Variants in VEPH1 observed in about 807,000 individuals in gnomAD.
The protein encoded by VEPH1 is ventricular zone expressed PH domain containing 1.
In VEPH1, 80 loss-of-function variants were observed where a neutral mutation model predicts 85.2. That is an observed-to-expected ratio of 0.94 (90% CI 0.78 to 1.13). The LOEUF is 1.13. Ranked by LOEUF, VEPH1 falls within the 50% of genes most tolerant of loss-of-function variation. The pLI is 0.00. For synonymous variants in VEPH1, 297 were observed against 348.0 expected, an observed-to-expected ratio of 0.85 and a Z score of 1.63; for missense variants, 955 against 980.5, an observed-to-expected ratio of 0.97 and a Z score of 0.35.
chr3:157,427,703 C>T (rs1363078805), intron 5 of VEPH1, among the ~76,000 whole-genome samples: 1 of 152,194 alleles, frequency 6.6e-6, no homozygotes, highest in African/African-American at 2.4e-5. Flanking sequence ...GATTCACCCA[C>T]CTCAGCCTCC....
intron 9 of VEPH1, among the ~76,000 whole-genome samples, chr3:157,349,250 T>C (rs1724578173): frequency 6.6e-6 from 1 of 152,222 alleles, no homozygotes; most frequent in Non-Finnish European, 1.5e-5. Flanking sequence ...ATAAATGTCA[T>C]AAATTATATC....
chr3:157,459,805 C>A lies in VEPH1; in HGVS notation c.529+376G>T, dbSNP rs1164808819. The A allele has an allele frequency of 3.4e-6, 5 of 1,485,656 alleles. No homozygotes were observed. In the African/African-American group the frequency reaches 5.6e-5, roughly 17 times the overall value. The allele number at this position is 1,485,656 out of a possible 1,614,324, so 92.0% of individuals were successfully genotyped here. Reference sequence around the variant, plus strand: ...AAAAGACATTTCTTGCTTTTGGAAGCAAATGAAGACAGGTTTTTCATACCC... The same window carrying A: ...AAAAGACATTTCTTGCTTTTGGAAGAAAATGAAGACAGGTTTTTCATACCC... On this transcript the variant is annotated intron_variant, in intron 4 of 13. Transcript: ENST00000362010.
Position 157,260,586 on chromosome 3 carries a change from C to T in VEPH1, c.*548G>A, listed in dbSNP as rs1264041113. On this transcript the variant is annotated 3_prime_UTR_variant, in exon 14 of 14. Transcript: ENST00000362010. ...CTGGCTTGATTTGGGAACCATTTTA[C>T]CATGTGTTAGCCTCAGTTGTAGTAA... is the stretch of plus-strand genomic sequence containing the variant. 3.9e-5 allele frequency: 6 copies of T among 152,068 alleles called. No individual in the cohort carries two copies. Among genetic ancestry groups the T allele is most frequent in the Admixed American group, 3.3e-4 (5 of 15,264 alleles). The allele number at this position is 152,068 out of a possible 1,614,324, so 9.4% of individuals were successfully genotyped here. A position where few individuals can be genotyped will look rare whatever the true frequency, so the allele number is the denominator to read the frequency against.
At chr3:157,274,487 G>C (rs1500926) in intron 12 of VEPH1, among the ~76,000 whole-genome samples, 35,351 of 151,910 alleles carry the variant, frequency 0.23, 4,232 homozygotes, top group Non-Finnish European at 0.27. Flanking sequence ...TGAACTCTCT[G>C]TCTCTCTGTC....
chr3:157,352,069 G>C (rs759059117), intron 9 of VEPH1, among the ~76,000 whole-genome samples: 4 of 152,220 alleles, frequency 2.6e-5, no homozygotes, highest in African/African-American at 7.2e-5. Context: ...GCTTTAGTGA[G>C]AACAGCATTC....
rs1577251208 is a variant in VEPH1, at chr3:157,290,046, ACACACAC to A, written c.2011-3379_2011-3373del. On this transcript the variant is annotated intron_variant, in intron 11 of 13. Transcript: ENST00000362010. Reference sequence around the variant, plus strand: ...TGTTATTATACACAAACACACACACACACACACACACACACACACACACACACACACA... The same window carrying A: ...TGTTATTATACACAAACACACACACAACACACACACACACACACACACACA... 7.6e-4 allele frequency among the ~76,000 whole-genome samples: 35 copies of A among 46,356 alleles called. No homozygotes were observed. The East Asian group carries it at 0.018, about 24-fold the overall frequency. 30.4% of individuals were successfully genotyped at this position (46,356 alleles called of 152,430 possible).
intron 8 of VEPH1, 34 bp downstream of exon 8, chr3:157,364,269 G>T: frequency 1.3e-6 from 2 of 1,482,370 alleles, no homozygotes; most frequent in Non-Finnish European, 1.8e-6. Context: ...AACATGAAGT[G>T]TATGATTTAA....
intron 4 of VEPH1, among the ~76,000 whole-genome samples, chr3:157,430,709 C>T (rs1373590009): frequency 6.6e-6 from 1 of 152,006 alleles, no homozygotes; most frequent in Non-Finnish European, 1.5e-5. Flanking sequence ...GTCCATTGAC[C>T]AAATAGTTAG....
chr3:157,339,433 C>T (rs188935858), intron 9 of VEPH1, among the ~76,000 whole-genome samples: 9 of 152,334 alleles, frequency 5.9e-5, no homozygotes, highest in African/African-American at 2.2e-4. Context: ...CCTGGTCAGC[C>T]ATCCACCAAA....
chr3:157,422,531 C>G (rs1408001335), intron 5 of VEPH1, among the ~76,000 whole-genome samples: 1 of 152,162 alleles, frequency 6.6e-6, no homozygotes, highest in East Asian at 1.9e-4. Context: ...CCTCTTGTAG[C>G]CTTCTCTACA....
intron 10 of VEPH1, among the ~76,000 whole-genome samples, chr3:157,314,225 C>G (rs535509848): frequency 1.4e-5 from 2 of 146,834 alleles, no homozygotes; most frequent in Admixed American, 1.4e-4. Context: ...CCCAGCTACT[C>G]GGGAGGCTGA....
intron 7 of VEPH1, among the ~76,000 whole-genome samples, chr3:157,377,193 A>G (rs191901586): frequency 2.6e-5 from 4 of 152,230 alleles, no homozygotes; most frequent in African/African-American, 7.2e-5. Flanking sequence ...AGTATTTTCA[A>G]TTGAGAGAGG....
intron 3 of VEPH1, among the ~76,000 whole-genome samples, chr3:157,466,071 C>T (rs1392184326): frequency 6.6e-6 from 1 of 152,192 alleles, no homozygotes; most frequent in Admixed American, 6.5e-5. Context: ...CATTCTAGAA[C>T]AGCAGCTATG....
intron 9 of VEPH1, among the ~76,000 whole-genome samples, chr3:157,362,112 C>A (rs1240682969): frequency 6.6e-6 from 1 of 151,992 alleles, no homozygotes; most frequent in Non-Finnish European, 1.5e-5. Context: ...CTCACTGCAA[C>A]CTCCACCTCT....
intron 12 of VEPH1, among the ~76,000 whole-genome samples, chr3:157,279,655 G>GT (rs1715829075): frequency 6.6e-6 from 1 of 152,046 alleles, no homozygotes; most frequent in Non-Finnish European, 1.5e-5. Flanking sequence ...TGAGAAGGTG[G>GT]GAAGGATGAA....
At chr3:157,285,631 G>A (rs1054104722) in intron 12 of VEPH1, among the ~76,000 whole-genome samples, 5 of 152,174 alleles carry the variant, frequency 3.3e-5, no homozygotes, top group Admixed American at 6.5e-5. Flanking sequence ...TTCCTGAGCC[G>A]AGTCAGCATT....
rs1733345150 is a variant in VEPH1, at chr3:157,433,757, C to CTGAGTGTT, written c.530-5270_530-5269insAACACTCA. 2.0e-5 allele frequency among the ~76,000 whole-genome samples: 3 copies of CTGAGTGTT among 152,158 alleles called. No individual in the cohort carries two copies. The South Asian group carries it at 6.2e-4, about 32-fold the overall frequency. On this transcript the variant is annotated intron_variant, in intron 4 of 13. Coordinates refer to ENST00000362010, the MANE Select transcript of VEPH1 (RefSeq NM_001167912.2). ...ACATGTAAAATGAATTTAGCACATT[C>CTGAGTGTT]CTGAACACTCTATTCTCAGAAGCAG...
chr3:157,301,959 A>G (rs1245987638), intron 11 of VEPH1, among the ~76,000 whole-genome samples: 2 of 152,178 alleles, frequency 1.3e-5, no homozygotes, highest in Admixed American at 1.3e-4. Context: ...CAGGTGTTTG[A>G]AACTTCAGAT....
intron 4 of VEPH1, among the ~76,000 whole-genome samples, chr3:157,435,937 C>A (rs920180065): frequency 1.4e-4 from 22 of 151,870 alleles, no homozygotes; most frequent in African/African-American, 4.6e-4. Flanking sequence ...TTCCTTTTTT[C>A]CCCCAGCTTT....
Sources: gnomAD v4.1 joint callset for allele counts (sites outside exome capture counted in the v4.1 genomes callset) on GRCh38, gnomAD v4.1.1 for gene constraint, MANE v1.5 for transcripts, NCBI Gene and HGNC (gene_info 2026-07-23, HGNC 2026-07-21) for gene names.